RDH11: variants seen among roughly 807,000 people sequenced by gnomAD.
The protein encoded by RDH11 is HCV core-binding protein HCBP12.
In RDH11, 19 loss-of-function variants were observed where a neutral mutation model predicts 33.4. The ratio of observed to expected loss-of-function variants is 0.57; its 90% confidence interval spans 0.40 to 0.83. The LOEUF is 0.83. RDH11 is among the 40% of genes least tolerant of loss of function. The pLI, the probability that RDH11 is intolerant of heterozygous loss-of-function variation, is 0.00. For missense variants in RDH11, 353 were observed against 389.0 expected (o/e 0.91, Z 0.78); for synonymous variants, 154 against 155.3 (o/e 0.99, Z 0.06).
At chr14:67,685,231 G>C in intron 5 of RDH11, 27 bp from the exon 6 acceptor site, 1 of 1,587,058 alleles carries the variant, frequency 6.3e-7, no homozygotes, top group Non-Finnish European at 8.6e-7. Context: ...TGAAGAGAGG[G>C]TAAGACAGGA....
In RDH11 at chr14:67,682,879, A is replaced by G. The variant is rs529584361; in HGVS notation, c.854+2136T>C. On this transcript the variant is annotated intron_variant, in intron 6 of 6. Coordinates refer to ENST00000381346, the MANE Select transcript of RDH11 (RefSeq NM_016026.4). Reference sequence around the variant, plus strand: ...AAATAAGATGTGGCAAATCTATACAATGAAATGTTATCCAGCAATAAAAAG... The same window carrying G: ...AAATAAGATGTGGCAAATCTATACAGTGAAATGTTATCCAGCAATAAAAAG... 2.0e-4 allele frequency among the ~76,000 whole-genome samples: 30 copies of G among 152,372 alleles called. No individual in the cohort carries two copies. In the East Asian group the frequency reaches 5.4e-3, roughly 27 times the overall value.
chr14:67,689,616 T>C (rs1002564572), intron 5 of RDH11, among the ~76,000 whole-genome samples: 1 of 152,132 alleles, frequency 6.6e-6, no homozygotes, highest in Non-Finnish European at 1.5e-5. Context: ...AACTGTGAAG[T>C]AGTCCCATTT....
intron 5 of RDH11, among the ~76,000 whole-genome samples, chr14:67,686,496 G>A (rs1287602746): frequency 5.3e-5 from 8 of 152,120 alleles, no homozygotes; most frequent in African/African-American, 1.2e-4. Flanking sequence ...AAAATTGGCC[G>A]GGCATGGTGG....
chr14:67,682,798 A>G (rs986394779), intron 6 of RDH11, among the ~76,000 whole-genome samples: 1 of 152,254 alleles, frequency 6.6e-6, no homozygotes, highest in Non-Finnish European at 1.5e-5. Context: ...TCACAGCAGT[A>G]TTATTCAAAT....
At chr14:67,680,520 G>A (rs2037601609) in intron 6 of RDH11, among the ~76,000 whole-genome samples, 1 of 152,206 alleles carries the variant, frequency 6.6e-6, no homozygotes, top group African/African-American at 2.4e-5. Flanking sequence ...CTGGAGTGCA[G>A]TGGTGTGATC....
At chr14:67,684,949 C>A in intron 6 of RDH11, 66 bp downstream of exon 6, 1 of 1,395,458 alleles carries the variant, frequency 7.2e-7, no homozygotes, top group South Asian at 1.4e-5. Context: ...AGGGTATACC[C>A]AGACAAACCC....
chr14:67,690,983 AT>A (rs1464721320), intron 4 of RDH11, 156 bp downstream of exon 4: 5 of 640,938 alleles, frequency 7.8e-6, no homozygotes, highest in Admixed American at 4.9e-5. Flanking sequence ...GCCCTCAGGT[AT>A]TCCTCAGCTA....
chr14:67,686,508 G>A (rs903807439), intron 5 of RDH11, among the ~76,000 whole-genome samples: 2 of 152,098 alleles, frequency 1.3e-5, no homozygotes, highest in East Asian at 1.9e-4. Context: ...GCATGGTGGC[G>A]TGCACCTGTA....
chr14:67,694,835 G>A (rs1032357790), intron 1 of RDH11, among the ~76,000 whole-genome samples: 2 of 152,172 alleles, frequency 1.3e-5, no homozygotes, highest in African/African-American at 2.4e-5. Flanking sequence ...GACTAAGACC[G>A]CCCACCTGGG....
chr14:67,693,645 C>CT (rs1212851750), intron 1 of RDH11, among the ~76,000 whole-genome samples: 14 of 149,684 alleles, frequency 9.4e-5, no homozygotes, highest in African/African-American at 3.4e-4. Flanking sequence ...CTTTCTTTCT[C>CT]TTTCTCTTTT....
intron 3 of RDH11, 26 bp from the exon 4 acceptor site, chr14:67,691,270 G>C: frequency 1.3e-6 from 2 of 1,549,474 alleles, no homozygotes; most frequent in Non-Finnish European, 1.8e-6. Context: ...GATGGAGCGT[G>C]GAAGTGGCTA....
At chr14:67,693,821 T>C (rs2037786931) in intron 1 of RDH11, among the ~76,000 whole-genome samples, 1 of 152,014 alleles carries the variant, frequency 6.6e-6, no homozygotes, top group African/African-American at 2.4e-5. Context: ...CAGCTAATTT[T>C]TGTATTTTTA....
At chr14:67,690,534 C>A in intron 4 of RDH11, 113 bp from the exon 5 acceptor site, 2 of 848,926 alleles carry the variant, frequency 2.4e-6, no homozygotes, top group South Asian at 1.6e-5. Flanking sequence ...AGGTCTTTCC[C>A]TCCAACTTTT....
chr14:67,687,696 CCTGACCT>C (rs1033170400), intron 5 of RDH11, among the ~76,000 whole-genome samples: 1 of 151,858 alleles, frequency 6.6e-6, no homozygotes, highest in Non-Finnish European at 1.5e-5. Flanking sequence ...GTCTTGAACT[CCTGACCT>C]CAGGTGATCT....
rs1484565677 is a variant in RDH11, at chr14:67,691,237, C to T, written c.357G>A (p.Lys119=). 1.2e-6 allele frequency: 2 copies of T among 1,612,906 alleles called. No individual in the cohort carries two copies. Among genetic ancestry groups the T allele is most frequent in the Admixed American group, 1.7e-5 (1 of 60,002 alleles). Residue 119 remains lysine, a synonymous_variant, in exon 4 of 7, where the codon AAG becomes AAA. Coordinates refer to ENST00000381346, the MANE Select transcript of RDH11 (RefSeq NM_016026.4). ...CATTGTTGATCAAAACGTGGAGGTG[C>T]TTTTCCTCTGCAGGGACAAGACGAT... ...AFAKGFLAEE[K]HLHVLINNAG...
At chr14:67,694,184 G>A (rs2037793106) in intron 1 of RDH11, among the ~76,000 whole-genome samples, 1 of 152,066 alleles carries the variant, frequency 6.6e-6, no homozygotes, top group Non-Finnish European at 1.5e-5. Flanking sequence ...TGCATAGTGC[G>A]AAAATGCTGA....
chr14:67,684,856 A>G, intron 6 of RDH11, 159 bp downstream of exon 6: 1 of 519,192 alleles, frequency 1.9e-6, no homozygotes, highest in Non-Finnish European at 3.4e-6. Context: ...GTTATTACAA[A>G]AGAGAGTCAA....
chr14:67,687,526 C>A (rs558766730), intron 5 of RDH11, among the ~76,000 whole-genome samples: 5 of 140,338 alleles, frequency 3.6e-5, no homozygotes, highest in Non-Finnish European at 7.5e-5. Flanking sequence ...GGCTGGGGTG[C>A]AATGGTATGA....
intron 1 of RDH11, 57 bp from the exon 2 acceptor site, chr14:67,693,109 G>C: frequency 8.3e-7 from 1 of 1,209,014 alleles, no homozygotes. Context: ...CAGCCAGTAG[G>C]TTCCTGCAAC....
Sources: gnomAD v4.1 joint callset for allele counts (sites outside exome capture counted in the v4.1 genomes callset) on GRCh38, gnomAD v4.1.1 for gene constraint, MANE v1.5 for transcripts, NCBI Gene and HGNC (gene_info 2026-07-23, HGNC 2026-07-21) for gene names.